Variants in FOXK2 observed in about 807,000 individuals in gnomAD.
FOXK2 encodes the protein forkhead box K2.
FOXK2 carries 24 observed loss-of-function variants against 53.3 expected under a neutral mutation model. That is an observed-to-expected ratio of 0.45 (90% CI 0.33 to 0.63). The LOEUF is 0.63. FOXK2 is among the 30% of genes least tolerant of loss of function. FOXK2 has a pLI of 0.03. For synonymous variants in FOXK2, 505 were observed against 407.1 expected (o/e 1.24, Z -2.89); for missense variants, 952 against 910.5 (o/e 1.05, Z -0.59).
chr17:82,553,649 C>T (rs938387430), intron 1 of FOXK2, among the ~76,000 whole-genome samples: 5 of 152,170 alleles, frequency 3.3e-5, no homozygotes, highest in Non-Finnish European at 7.3e-5. Context: ...CATTCACAGG[C>T]GTGGCTGCGA....
At chr17:82,548,587 G>T (rs1219920035) in intron 1 of FOXK2, among the ~76,000 whole-genome samples, 4 of 152,078 alleles carry the variant, frequency 2.6e-5, no homozygotes, top group Admixed American at 1.3e-4. Flanking sequence ...CCTTTGCCCT[G>T]TTTGTTGATA....
intron 8 of FOXK2, among the ~76,000 whole-genome samples, chr17:82,587,856 C>T (rs1447314961): frequency 2.6e-5 from 4 of 152,192 alleles, no homozygotes; most frequent in Non-Finnish European, 5.9e-5. Flanking sequence ...TGGGGCCTGG[C>T]TCAGGTGTGG....
At chr17:82,576,623 A>G in intron 4 of FOXK2, 1 of 1,111,076 alleles carries the variant, frequency 9.0e-7, no homozygotes, top group East Asian at 2.4e-5. Context: ...AGTGCCGCAG[A>G]TTGTTCTGGG....
rs903367038 is a variant in FOXK2 at position 82,583,781 on chromosome 17, G to T, written c.1104-232G>T. Among the ~76,000 whole-genome samples, 6 of 152,220 alleles carry T rather than the reference G, an allele frequency of 3.9e-5. No homozygotes were observed. In the South Asian group the frequency reaches 1.2e-3, roughly 31 times the overall value. Reference sequence around the variant, plus strand: ...TGGCTCCGCCCCACAGCCGTGCCGCGTATGTGGGTGAGGGCCCGTGACGGC... The same window carrying T: ...TGGCTCCGCCCCACAGCCGTGCCGCTTATGTGGGTGAGGGCCCGTGACGGC... On this transcript the variant is annotated intron_variant, in intron 5 of 8. Transcript: ENST00000335255.
At chr17:82,583,912 G>A in intron 5 of FOXK2, 101 bp from the exon 6 acceptor site, 3 of 1,263,396 alleles carry the variant, frequency 2.4e-6, no homozygotes, top group Non-Finnish European at 3.2e-6. Context: ...GTTGTCAGGA[G>A]ACAAATGACA....
intron 2 of FOXK2, among the ~76,000 whole-genome samples, chr17:82,566,242 A>C (rs2044849653): frequency 6.6e-6 from 1 of 150,724 alleles, no homozygotes; most frequent in Admixed American, 6.6e-5. Flanking sequence ...GTATTTTACC[A>C]CAAAAAAAAA....
intron 1 of FOXK2, among the ~76,000 whole-genome samples, chr17:82,535,923 G>C (rs2044516397): frequency 6.6e-6 from 1 of 152,014 alleles, no homozygotes; most frequent in African/African-American, 2.4e-5. Context: ...TGTATATTTA[G>C]TGGAGATGGG....
chr17:82,578,182 CA>C (rs3830304), intron 4 of FOXK2: 39,328 of 152,202 alleles, frequency 0.26, 5,391 homozygotes, highest in East Asian at 0.39. Flanking sequence ...CCTTACTGTG[CA>C]GAGTGCACAC....
At chr17:82,539,965 CA>C (rs56214001) in intron 1 of FOXK2, among the ~76,000 whole-genome samples, 219 of 119,664 alleles carry the variant, frequency 1.8e-3, no homozygotes, top group Middle Eastern at 6.6e-3. Flanking sequence ...GACTCCATCT[CA>C]AAAAAAAAAA....
intron 2 of FOXK2, among the ~76,000 whole-genome samples, chr17:82,564,922 G>A (rs2044837848): frequency 6.6e-6 from 1 of 151,874 alleles, no homozygotes. Context: ...TAGAGATGGG[G>A]TTTCTCCATG....
Position 82,587,222 on chromosome 17 carries a change from G to A in FOXK2, c.1736G>A (p.Gly579Asp). Residue 579 changes from glycine (G) to aspartate (D), a missense_variant, in exon 8 of 9, where the codon GGC becomes GAC. Transcript: ENST00000335255. ...QLPIKTVTQN[G>D]THVASVPTAV... Reference sequence around the variant, plus strand: ...CCAATAAAAACTGTAACACAAAACGGCACTCACGTGGCATCAGTCCCCACT... The same window carrying A: ...CCAATAAAAACTGTAACACAAAACGACACTCACGTGGCATCAGTCCCCACT... The A allele has an allele frequency of 6.2e-7, 1 of 1,613,060 alleles. No homozygotes were observed. Among genetic ancestry groups the A allele is most frequent in the East Asian group, 2.2e-5 (1 of 44,884 alleles).
intron 1 of FOXK2, among the ~76,000 whole-genome samples, chr17:82,557,878 C>T (rs1486539528): frequency 6.6e-6 from 1 of 152,130 alleles, no homozygotes; most frequent in Non-Finnish European, 1.5e-5. Context: ...GTCTTGAACT[C>T]CTGGGCTCAA....
chr17:82,545,217 C>T (rs952603933), intron 1 of FOXK2, among the ~76,000 whole-genome samples: 10 of 152,160 alleles, frequency 6.6e-5, no homozygotes, highest in Admixed American at 2.0e-4. Context: ...CTAGTGAAGA[C>T]GTGACGTCAT....
At chr17:82,592,561 C>T (rs896079195) in intron 8 of FOXK2, among the ~76,000 whole-genome samples, 2 of 152,238 alleles carry the variant, frequency 1.3e-5, no homozygotes, top group Admixed American at 1.3e-4. Context: ...CTTCACCCTG[C>T]GACATTCTCC....
chr17:82,542,426 A>G (rs1470605827), intron 1 of FOXK2, among the ~76,000 whole-genome samples: 1 of 152,044 alleles, frequency 6.6e-6, no homozygotes. Context: ...CTGGCCTCCC[A>G]AAGTGCTGGG....
At chr17:82,526,729 C>T (rs1278056019) in intron 1 of FOXK2, among the ~76,000 whole-genome samples, 4 of 151,704 alleles carry the variant, frequency 2.6e-5, no homozygotes, top group African/African-American at 7.3e-5. Context: ...ACTTGGGAGG[C>T]TGAGGCAGGA....
intron 3 of FOXK2, among the ~76,000 whole-genome samples, chr17:82,569,994 G>C (rs1233314671): frequency 2.0e-5 from 3 of 152,188 alleles, no homozygotes; most frequent in African/African-American, 7.2e-5. Context: ...AGGCCAAGGT[G>C]GGCGGATCAC....
chr17:82,527,009 C>T (rs1004101241), intron 1 of FOXK2, among the ~76,000 whole-genome samples: 2 of 152,022 alleles, frequency 1.3e-5, no homozygotes, highest in Admixed American at 6.6e-5. Context: ...GGTGTGTTTC[C>T]GTATTGAAGG....
chr17:82,582,949 G>C lies in FOXK2; in HGVS notation c.1103+15G>C. 2 of 1,524,252 alleles carry C rather than the reference G, an allele frequency of 1.3e-6. No homozygotes were observed. Among genetic ancestry groups the C allele is most frequent in the Non-Finnish European group, 1.8e-6 (2 of 1,139,854 alleles). 94.4% of individuals were successfully genotyped at this position (1,524,252 alleles called of 1,614,324 possible). A position where few individuals can be genotyped will look rare whatever the true frequency, so the allele number is the denominator to read the frequency against. On this transcript the variant is annotated intron_variant, in intron 5 of 8. Transcript: ENST00000335255. Reference sequence around the variant, plus strand: ...CTCTCTTCTAGGTAAGGAAAAAGAAGAACAAAAGGCCTCACTTCGTGCTTA... The same window carrying C: ...CTCTCTTCTAGGTAAGGAAAAAGAACAACAAAAGGCCTCACTTCGTGCTTA...
Sources: gnomAD v4.1 joint callset for allele counts (sites outside exome capture counted in the v4.1 genomes callset) on GRCh38, gnomAD v4.1.1 for gene constraint, MANE v1.5 for transcripts, NCBI Gene and HGNC (gene_info 2026-07-23, HGNC 2026-07-21) for gene names.